Variants in DCLK2 observed in about 807,000 individuals in gnomAD.
DCLK2 encodes serine/threonine-protein kinase DCLK2.
DCLK2 carries 31 observed loss-of-function variants against 78.4 expected under a neutral mutation model. That is an observed-to-expected ratio of 0.40 (90% CI 0.30 to 0.53). The LOEUF (loss-of-function observed/expected upper bound fraction) is 0.53, where lower values mean the gene tolerates loss of function less well. DCLK2 is among the 20% of genes least tolerant of loss of function. The pLI is 0.61. For missense variants in DCLK2, 872 were observed against 973.7 expected (o/e 0.90, Z 1.39); for synonymous variants, 407 against 374.9 (o/e 1.09, Z -0.99).
At chr4:150,193,044 C>T in intron 2 of DCLK2, 94 bp from the exon 3 acceptor site, 1 of 773,008 alleles carries the variant, frequency 1.3e-6, no homozygotes, top group South Asian at 1.9e-5. Flanking sequence ...CACTTCAATA[C>T]TTAAAATTCA....
chr4:150,139,586 G>A (rs1287558530), intron 2 of DCLK2, among the ~76,000 whole-genome samples: 1 of 152,234 alleles, frequency 6.6e-6, no homozygotes, highest in Non-Finnish European at 1.5e-5. Context: ...AGAAAGAGAA[G>A]AGGAGTTTGT....
chr4:150,207,710 T>C (rs896221445), intron 5 of DCLK2, among the ~76,000 whole-genome samples: 1 of 152,208 alleles, frequency 6.6e-6, no homozygotes, highest in African/African-American at 2.4e-5. Flanking sequence ...TTAAGGTTCT[T>C]TAACCTTAAA....
At chr4:150,165,938 G>A (rs932591339) in intron 2 of DCLK2, among the ~76,000 whole-genome samples, 51 of 152,318 alleles carry the variant, frequency 3.3e-4, no homozygotes, top group African/African-American at 1.2e-3. Flanking sequence ...TCTGGCGCCT[G>A]GTGCCTCTGT....
At chr4:150,233,489 G>T (rs1319559479) in intron 10 of DCLK2, among the ~76,000 whole-genome samples, 4 of 152,206 alleles carry the variant, frequency 2.6e-5, no homozygotes, top group African/African-American at 4.8e-5. Context: ...AAATTGTGAA[G>T]AATAAATTTG....
At chr4:150,236,067 C>G (rs1742480097) in intron 10 of DCLK2, among the ~76,000 whole-genome samples, 3 of 152,138 alleles carry the variant, frequency 2.0e-5, no homozygotes, top group Non-Finnish European at 4.4e-5. Context: ...TGAAGTCCTT[C>G]TAAATCATTA....
At chr4:150,248,633 C>T (rs1290700268) in intron 14 of DCLK2, among the ~76,000 whole-genome samples, 1 of 152,164 alleles carries the variant, frequency 6.6e-6, no homozygotes, top group Non-Finnish European at 1.5e-5. Flanking sequence ...GCCCCAGTTT[C>T]CTTATCTGCA....
At chr4:150,184,731 A>G (rs1288679959) in intron 2 of DCLK2, among the ~76,000 whole-genome samples, 1 of 151,692 alleles carries the variant, frequency 6.6e-6, no homozygotes, top group African/African-American at 2.4e-5. Context: ...CCTCCCGAGT[A>G]GCTGGGACTA....
At chr4:150,165,844 G>C (rs1031338505) in intron 2 of DCLK2, among the ~76,000 whole-genome samples, 1 of 152,218 alleles carries the variant, frequency 6.6e-6, no homozygotes, top group South Asian at 2.1e-4. Context: ...GATCTGATTG[G>C]ATAATGAGGG....
chr4:150,169,095 A>G (rs1370545743), intron 2 of DCLK2, among the ~76,000 whole-genome samples: 1 of 149,030 alleles, frequency 6.7e-6, no homozygotes, highest in African/African-American at 2.5e-5. Flanking sequence ...GATTTCACAC[A>G]TCTTTGTTCT....
chr4:150,241,818 C>G (rs1742947482), intron 12 of DCLK2, among the ~76,000 whole-genome samples: 1 of 152,160 alleles, frequency 6.6e-6, no homozygotes, highest in South Asian at 2.1e-4. Flanking sequence ...AAGGGAATCT[C>G]TGGGGTCTTT....
At chr4:150,088,182 A>G (rs1218757939) in intron 1 of DCLK2, among the ~76,000 whole-genome samples, 1 of 152,152 alleles carries the variant, frequency 6.6e-6, no homozygotes, top group Non-Finnish European at 1.5e-5. Flanking sequence ...AATCAAGAAA[A>G]AAGGCGTTCT....
intron 1 of DCLK2, among the ~76,000 whole-genome samples, chr4:150,086,775 G>A (rs1729680841): frequency 6.6e-6 from 1 of 151,856 alleles, no homozygotes; most frequent in African/African-American, 2.4e-5. Context: ...CAAAGTGCTG[G>A]GATTACAGGC....
At chr4:150,180,377 TAGAAAATTTTGGATTGGA>T (rs1377819740) in intron 2 of DCLK2, among the ~76,000 whole-genome samples, 1 of 152,202 alleles carries the variant, frequency 6.6e-6, no homozygotes, top group Non-Finnish European at 1.5e-5. Context: ...CTGTTGGAAA[TAGAAAATTTTGGATTGGA>T]AGATTGCCAC....
intron 2 of DCLK2, among the ~76,000 whole-genome samples, chr4:150,146,344 T>C (rs2150221745): frequency 6.6e-6 from 1 of 152,314 alleles, no homozygotes; most frequent in Non-Finnish European, 1.5e-5. Context: ...GTCTACAATT[T>C]CACAAAGTCC....
chr4:150,174,782 A>AG (rs1736823852), intron 2 of DCLK2, among the ~76,000 whole-genome samples: 2 of 151,382 alleles, frequency 1.3e-5, no homozygotes, highest in South Asian at 4.2e-4. Context: ...GGATCACCTG[A>AG]GGTCAGGAGT....
At chr4:150,121,626 T>C (rs895879034) in intron 2 of DCLK2, among the ~76,000 whole-genome samples, 1 of 152,268 alleles carries the variant, frequency 6.6e-6, no homozygotes, top group African/African-American at 2.4e-5. Flanking sequence ...TGATATGTTG[T>C]TGACCTCTTC....
chr4:150,194,963 T>C (rs1368302143), intron 3 of DCLK2, among the ~76,000 whole-genome samples: 1 of 150,160 alleles, frequency 6.7e-6, no homozygotes. Context: ...TTTTCTGTTT[T>C]GTTTTTCATC....
chr4:150,235,507 G>T lies in DCLK2; in HGVS notation c.1566+2679G>T, dbSNP rs945703041. ...AGCGTCCACCCCTTCCCAAACCTACGGGAGCCCCCTTGTGTTAGCCCAGAA... is the reference window on the plus strand; with the variant it reads ...AGCGTCCACCCCTTCCCAAACCTACTGGAGCCCCCTTGTGTTAGCCCAGAA... On this transcript the variant is annotated intron_variant, in intron 10 of 15. Coordinates refer to ENST00000296550, the MANE Select transcript of DCLK2 (RefSeq NM_001040260.4). Among the ~76,000 whole-genome samples the T allele has an allele frequency of 2.0e-5, 3 of 152,194 alleles. No homozygotes were observed. In the East Asian group the frequency reaches 5.8e-4, roughly 29 times the overall value.
chr4:150,208,845 G>A lies in DCLK2; in HGVS notation c.1056+4956G>A, dbSNP rs114967738. ...ATAACAGAGTTCACAATAGTTTAGC[G>A]TTTTTGGTTTTCTTTGGAAGACAGT... is the stretch of plus-strand genomic sequence containing the variant. On this transcript the variant is annotated intron_variant, in intron 5 of 15. Transcript: ENST00000296550. 2.5e-3 allele frequency among the ~76,000 whole-genome samples: 385 copies of A among 152,254 alleles called. 3 individuals are homozygous for A. Among genetic ancestry groups the A allele is most frequent in the African/African-American group, 9.0e-3 (373 of 41,556 alleles).
Sources: allele counts gnomAD v4.1 joint callset (sites outside exome capture counted in the v4.1 genomes callset), GRCh38; gene constraint gnomAD v4.1.1; transcripts MANE v1.5; gene names NCBI Gene and HGNC (gene_info 2026-07-23, HGNC 2026-07-21).